The following NDUFAF7 variants were observed in gnomAD, a reference collection of about 807,000 sequenced individuals.
NDUFAF7 encodes protein arginine methyltransferase NDUFAF7, mitochondrial.
Under a neutral mutation model 47.2 loss-of-function variants are expected in NDUFAF7, and 48 were observed. The observed-to-expected ratio is 1.02, with a 90% confidence interval of 0.81 to 1.29. NDUFAF7 has a LOEUF of 1.29. NDUFAF7 is among the 50% of genes most tolerant of loss of function. The pLI is 0.00. For synonymous variants in NDUFAF7, 217 were observed against 190.0 expected (o/e 1.14, Z -1.17); for missense variants, 635 against 537.6 (o/e 1.18, Z -1.79).
chr2:37,240,628 T>A (rs1010892517), intron 4 of NDUFAF7, among the ~76,000 whole-genome samples: 2 of 152,296 alleles, frequency 1.3e-5, no homozygotes, highest in African/African-American at 4.8e-5. Context: ...GTCATTTGAA[T>A]ATAAAATATT....
At chr2:37,267,950 T>G in the NDUFAF7 span, 1 of 190,200 alleles carries the variant, frequency 5.3e-6, no homozygotes, top group Admixed American at 5.9e-5. Context: ...TCTGGGTGTC[T>G]CTATATTCTA....
Position 37,241,605 on chromosome 2 carries a change from A to G in NDUFAF7, c.436A>G (p.Lys146Glu), listed in dbSNP as rs956966543. 3 of 1,613,748 alleles carry G rather than the reference A, an allele frequency of 1.9e-6. No individual in the cohort carries two copies. Among genetic ancestry groups the G allele is most frequent in the South Asian group, 1.1e-5 (1 of 91,004 alleles). Residue 146 changes from lysine to glutamate, a missense_variant, in exon 5 of 10, where the codon AAA (lysine) becomes GAA (glutamate). Coordinates refer to ENST00000002125, the MANE Select transcript of NDUFAF7 (RefSeq NM_144736.5). The part of the protein sequence containing the change: ...RVFTQLGSVL[K>E]NCDISVHLVE... ...GTTCACTCAACTTGGATCTGTGCTG[A>G]AAAATTGTGACATTTCAGTACATCT...
chr2:37,236,996 G>C (rs960001637), intron 3 of NDUFAF7, among the ~76,000 whole-genome samples: 1 of 152,072 alleles, frequency 6.6e-6, no homozygotes, highest in Non-Finnish European at 1.5e-5. Context: ...TTGAGCCAGG[G>C]TTTTGCTCTT....
downstream of NDUFAF7, among the ~76,000 whole-genome samples, chr2:37,253,586 T>C (rs538986794): frequency 1.8e-3 from 271 of 152,164 alleles, 2 homozygotes; most frequent in African/African-American, 6.4e-3. Context: ...TTTCTGAAAT[T>C]AAAAAAAATT....
Position 37,232,224 on chromosome 2 carries a change from T to C in NDUFAF7, c.174T>C (p.Thr58=), listed in dbSNP as rs1207142100. 1 of 1,613,778 alleles carries C rather than the reference T, an allele frequency of 6.2e-7. No individual in the cohort carries two copies. The highest frequency in any genetic ancestry group is 2.2e-5 in the East Asian group (1 of 44,884). The change falls in exon 2 of 10, where the codon ACT becomes ACC. Residue 58 remains threonine, a synonymous_variant. Coordinates refer to ENST00000002125, the MANE Select transcript of NDUFAF7 (RefSeq NM_144736.5). ...AAATAAAGTCTACTGGTCCCATCAC[T>C]GTGGCCGAGTACATGAAGGAGGTGT... ...MYKIKSTGPI[T]VAEYMKEVLT...
the NDUFAF7 span, among the ~76,000 whole-genome samples, chr2:37,266,445 C>G: frequency 1.5e-3 from 228 of 151,628 alleles, 1 homozygote; most frequent in African/African-American, 5.3e-3. Context: ...CCTGTCTCAG[C>G]CTCCCAAGTA....
chr2:37,247,534 T>A lies in NDUFAF7; in HGVS notation c.1015T>A (p.Tyr339Asn). 3 of 1,614,080 alleles carry A rather than the reference T, an allele frequency of 1.9e-6. No homozygotes were observed. The highest frequency in any genetic ancestry group is 2.5e-6 in the Non-Finnish European group (3 of 1,180,000). The part of the protein sequence containing the change: ...ADLTADVDFS[Y>N]LRRMAQGKVA... ...TCTAACAGCTGATGTGGACTTCAGT[T>A]ATTTGCGAAGAATGGCACAGGGAAA... Residue 339 changes from tyrosine to asparagine, a missense_variant, in exon 9 of 10, where the codon TAT becomes AAT. Transcript: ENST00000002125.
rs1287362435 is a variant in NDUFAF7 at position 37,249,045 on chromosome 2, A to G, written c.*695A>G. The stretch of plus-strand genomic sequence containing the variant: ...AGCTAGGGCAATATGTTTTGACAGA[A>G]AACTCTCTAAGATTTAGTAAGTGAA... On this transcript the variant is annotated 3_prime_UTR_variant, in exon 10 of 10. Transcript: ENST00000002125. 1 of 152,310 alleles carries G rather than the reference A, an allele frequency of 6.6e-6. No homozygotes were observed. The highest frequency in any genetic ancestry group is 1.5e-5 in the Non-Finnish European group (1 of 68,114). The allele number at this position is 152,310 out of a possible 1,614,324, so 9.4% of individuals were successfully genotyped here. A position where few individuals can be genotyped will look rare whatever the true frequency, so the allele number is the denominator to read the frequency against.
chr2:37,238,051 G>A (rs544415552), intron 4 of NDUFAF7, among the ~76,000 whole-genome samples, 184 bp downstream of exon 4: 1 of 152,176 alleles, frequency 6.6e-6, no homozygotes, highest in African/African-American at 2.4e-5. Flanking sequence ...AAATTGGAGG[G>A]GAGGGGGAGA....
At chr2:37,249,602 CAG>C (rs1279361948), downstream of NDUFAF7, among the ~76,000 whole-genome samples, 4 of 110,926 alleles carry the variant, frequency 3.6e-5, no homozygotes, top group South Asian at 2.9e-4. Context: ...CACACACACA[CAG>C]AGGGGAGATC....
At position 37,232,543 on chromosome 2, in the gene NDUFAF7, A is replaced by G. The variant is rs116758264; in HGVS notation, c.216+277A>G. Among the ~76,000 whole-genome samples the G allele has an allele frequency of 8.1e-3, 1,235 of 152,322 alleles. 5 individuals carry two copies. The highest frequency in any genetic ancestry group is 0.015 in the Non-Finnish European group (1,022 of 68,026). ...ATGATGCGGGAAGGATGACTTTCCT[A>G]CTTGGCTGATGGTGGGTGGTGTGGA... On this transcript the variant is annotated intron_variant, in intron 2 of 9. Transcript: ENST00000002125.
intron 2 of NDUFAF7, among the ~76,000 whole-genome samples, chr2:37,233,203 G>A (rs1665369852): frequency 6.6e-6 from 1 of 152,214 alleles, no homozygotes; most frequent in African/African-American, 2.4e-5. Context: ...ACCTTTTATT[G>A]AGATTAAGAC....
chr2:37,246,678 A>C (rs1666944883), intron 8 of NDUFAF7, among the ~76,000 whole-genome samples: 2 of 152,184 alleles, frequency 1.3e-5, no homozygotes, highest in African/African-American at 4.8e-5. Context: ...AATATAATCA[A>C]TTCTATTCAA....
the NDUFAF7 span, among the ~76,000 whole-genome samples, chr2:37,261,289 C>T: frequency 6.6e-6 from 1 of 151,520 alleles, no homozygotes; most frequent in Non-Finnish European, 1.5e-5. Flanking sequence ...GAGTTCGAGA[C>T]CAGCGTAGCA....
At position 37,237,906 on chromosome 2, in the gene NDUFAF7, GA is replaced by G. The variant is rs775517484; in HGVS notation, c.408+41del. ...GAATGTCTTCTAGTCTCATATAAGT[GA>G]ATTTTAGTACTTCTGAGTGTGCAAA... On this transcript the variant is annotated intron_variant, in intron 4 of 9. Coordinates refer to ENST00000002125, the MANE Select transcript of NDUFAF7 (RefSeq NM_144736.5). The G allele has an allele frequency of 8.6e-6, 12 of 1,400,406 alleles. No individual in the cohort carries two copies. In the South Asian group the frequency reaches 1.4e-4, roughly 16 times the overall value. The allele number at this position is 1,400,406 out of a possible 1,614,324, so 86.7% of individuals were successfully genotyped here. A position where few individuals can be genotyped will look rare whatever the true frequency, so the allele number is the denominator to read the frequency against.
the NDUFAF7 span, chr2:37,260,409 G>A: frequency 6.3e-7 from 1 of 1,587,162 alleles, no homozygotes; most frequent in Non-Finnish European, 8.7e-7. Flanking sequence ...CAAGATACAT[G>A]AGCAACTTAA....
At chr2:37,256,342 T>C (rs1032837317), downstream of NDUFAF7, among the ~76,000 whole-genome samples, 1 of 151,940 alleles carries the variant, frequency 6.6e-6, no homozygotes, top group South Asian at 2.1e-4. Context: ...TTCCTGAAGA[T>C]AGATTTGGCA....
At chr2:37,241,232 G>A (rs1197413777) in intron 4 of NDUFAF7, among the ~76,000 whole-genome samples, 1 of 152,130 alleles carries the variant, frequency 6.6e-6, no homozygotes, top group Admixed American at 6.5e-5. Context: ...TAGACCTAGA[G>A]ATGTTATCAA....
At chr2:37,236,240 T>A in intron 3 of NDUFAF7, 64 bp downstream of exon 3, 1 of 1,365,536 alleles carries the variant, frequency 7.3e-7, no homozygotes, top group Non-Finnish European at 1.0e-6. Flanking sequence ...TCAAATTGTA[T>A]TATTCTGTAG....
Sources: gnomAD v4.1 joint callset for allele counts (sites outside exome capture counted in the v4.1 genomes callset) on GRCh38, gnomAD v4.1.1 for gene constraint, MANE v1.5 for transcripts, NCBI Gene and HGNC (gene_info 2026-07-23, HGNC 2026-07-21) for gene names.